LEKR1: variants seen among roughly 807,000 people sequenced by gnomAD.
The protein encoded by LEKR1 is protein LEKR1.
A neutral mutation model predicts 72.4 loss-of-function variants in LEKR1; 59 were observed. The ratio of observed to expected loss-of-function variants is 0.82; its 90% CI spans 0.66 to 1.01. LEKR1 has a LOEUF of 1.01. Ranked by LOEUF, LEKR1 falls within the 50% of genes least tolerant of loss-of-function variation. The probability of loss-of-function intolerance (pLI) is 0.00; values close to 1 mark genes in which losing one functional copy is unlikely to be tolerated. For synonymous variants in LEKR1, 257 were observed against 263.2 expected, an observed-to-expected ratio of 0.98 and a Z score of 0.23; for missense variants, 728 against 759.2, an observed-to-expected ratio of 0.96 and a Z score of 0.48.
chr3:156,908,150 C>T (rs371654738), intron 3 of LEKR1, among the ~76,000 whole-genome samples: 1 of 152,142 alleles, frequency 6.6e-6, no homozygotes, highest in African/African-American at 2.4e-5. Flanking sequence ...GTGAAGTTAA[C>T]CTTAATCACG....
At chr3:156,834,295 C>T (rs374982125) in intron 2 of LEKR1, among the ~76,000 whole-genome samples, 11 of 152,052 alleles carry the variant, frequency 7.2e-5, no homozygotes, top group Non-Finnish European at 1.2e-4. Flanking sequence ...TAAATAATCC[C>T]GTTCAACTTT....
chr3:157,028,030 C>T (rs1734330939), intron 11 of LEKR1, 73 bp from the exon 12 acceptor site: 1 of 1,063,808 alleles, frequency 9.4e-7, no homozygotes, highest in African/African-American at 1.6e-5. Flanking sequence ...AAATAAACCT[C>T]TTAAAAACCA....
intron 3 of LEKR1, among the ~76,000 whole-genome samples, chr3:156,854,544 C>CT (rs200368304): frequency 0.032 from 4,641 of 144,526 alleles, 109 homozygotes; most frequent in Non-Finnish European, 0.048. Context: ...TTCTTTCTTT[C>CT]CTTTTTTTTT....
intron 3 of LEKR1, among the ~76,000 whole-genome samples, chr3:156,870,297 A>G (rs569131029): frequency 6.6e-6 from 1 of 152,184 alleles, no homozygotes; most frequent in African/African-American, 2.4e-5. Context: ...GGTCATTGCT[A>G]TGGTCATTTT....
intron 3 of LEKR1, among the ~76,000 whole-genome samples, chr3:156,890,019 C>G (rs1720499451): frequency 6.6e-6 from 1 of 152,156 alleles, no homozygotes; most frequent in Non-Finnish European, 1.5e-5. Context: ...TCTCCATTTC[C>G]TCATCTGTCA....
chr3:156,898,664 GA>G lies in LEKR1; in HGVS notation c.264-21902del, dbSNP rs939584191. Reference sequence around the variant, plus strand: ...ATAAAATCTCTTAGAAGCATTACAGGAAAAAAAAACCCAAAACTATTATTTC... The same window carrying G: ...ATAAAATCTCTTAGAAGCATTACAGGAAAAAAAACCCAAAACTATTATTTC... On this transcript the variant is annotated intron_variant, in intron 3 of 12. Coordinates refer to ENST00000356539, the MANE Select transcript of LEKR1 (RefSeq NM_001004316.3). Among the ~76,000 whole-genome samples, 5 of 150,870 alleles carry G rather than the reference GA, an allele frequency of 3.3e-5. No homozygotes were observed. The South Asian group carries it at 6.3e-4, about 19-fold the overall frequency.
chr3:157,016,564 G>A (rs374389997), intron 10 of LEKR1, among the ~76,000 whole-genome samples: 1 of 151,820 alleles, frequency 6.6e-6, no homozygotes, highest in Non-Finnish European at 1.5e-5. Flanking sequence ...ATAGACCCAC[G>A]CTATAAAAAA....
chr3:157,001,308 G>C (rs1314604136), intron 9 of LEKR1, among the ~76,000 whole-genome samples: 1 of 152,158 alleles, frequency 6.6e-6, no homozygotes, highest in Non-Finnish European at 1.5e-5. Context: ...GGCTTGCCAA[G>C]CTTCTTATGT....
chr3:156,933,035 A>G (rs1197286382), intron 5 of LEKR1, among the ~76,000 whole-genome samples: 1 of 151,864 alleles, frequency 6.6e-6, no homozygotes, highest in East Asian at 1.9e-4. Context: ...GTCTCAAACA[A>G]ACAAACAAAC....
At chr3:157,018,091 C>G (rs116285885) in intron 10 of LEKR1, among the ~76,000 whole-genome samples, 1,902 of 151,974 alleles carry the variant, frequency 0.013, 33 homozygotes, top group African/African-American at 0.043. Context: ...GGGATCAGTT[C>G]ACCAGGAGGA....
At chr3:156,913,559 G>A (rs1487844848) in intron 3 of LEKR1, among the ~76,000 whole-genome samples, 1 of 152,186 alleles carries the variant, frequency 6.6e-6, no homozygotes, top group Admixed American at 6.5e-5. Context: ...AATTCTGGAT[G>A]TTGTATCTCT....
At chr3:156,998,025 G>C (rs1442723666) in intron 9 of LEKR1, among the ~76,000 whole-genome samples, 2 of 152,182 alleles carry the variant, frequency 1.3e-5, no homozygotes, top group African/African-American at 4.8e-5. Flanking sequence ...ACTGGTGAAA[G>C]GGGTTTCCTT....
intron 3 of LEKR1, among the ~76,000 whole-genome samples, chr3:156,919,237 C>A (rs1723954600): frequency 1.3e-5 from 2 of 152,160 alleles, no homozygotes; most frequent in African/African-American, 4.8e-5. Context: ...TGCTTTTCCC[C>A]CCAGCAATTA....
intron 9 of LEKR1, among the ~76,000 whole-genome samples, chr3:156,998,912 T>A (rs568742988): frequency 5.9e-5 from 9 of 152,302 alleles, no homozygotes; most frequent in Admixed American, 3.3e-4. Context: ...AATTTCATCT[T>A]GAATTGTAGT....
chr3:157,021,121 G>T (rs1733800263), intron 10 of LEKR1, among the ~76,000 whole-genome samples: 2 of 151,840 alleles, frequency 1.3e-5, no homozygotes. Flanking sequence ...CTTTTTGATG[G>T]GGTTGTTTGT....
At chr3:156,832,565 C>T (rs1348086384) in intron 2 of LEKR1, among the ~76,000 whole-genome samples, 1 of 152,130 alleles carries the variant, frequency 6.6e-6, no homozygotes, top group African/African-American at 2.4e-5. Context: ...ATTGGCTTTG[C>T]TGGAATTTAT....
chr3:156,857,282 C>T (rs992329395), intron 3 of LEKR1, among the ~76,000 whole-genome samples: 3 of 152,140 alleles, frequency 2.0e-5, no homozygotes, highest in South Asian at 2.1e-4. Flanking sequence ...GATCATGTTA[C>T]GTATTTCAGG....
chr3:156,912,257 A>T (rs1014093793), intron 3 of LEKR1, among the ~76,000 whole-genome samples: 1 of 152,032 alleles, frequency 6.6e-6, no homozygotes, highest in Non-Finnish European at 1.5e-5. Flanking sequence ...TGTACATTGT[A>T]CCCAATATGT....
intron 10 of LEKR1, among the ~76,000 whole-genome samples, chr3:157,016,496 T>C (rs924672135): frequency 1.3e-5 from 2 of 152,004 alleles, no homozygotes; most frequent in Non-Finnish European, 2.9e-5. Context: ...AAAATATCTT[T>C]CAAATATGAG....
Sources: gnomAD v4.1 joint callset for allele counts (sites outside exome capture counted in the v4.1 genomes callset) on GRCh38, gnomAD v4.1.1 for gene constraint, MANE v1.5 for transcripts, NCBI Gene and HGNC (gene_info 2026-07-23, HGNC 2026-07-21) for gene names.